The following NUAK1 variants were observed in gnomAD, a reference collection of about 807,000 sequenced individuals.
The protein encoded by NUAK1 is NUAK family kinase 1.
NUAK1 carries 26 observed loss-of-function variants against 56.9 expected under a neutral mutation model. The ratio of observed to expected loss-of-function variants is 0.46; its 90% CI spans 0.33 to 0.63. The LOEUF is 0.63. NUAK1 is among the 30% of genes least tolerant of loss of function. NUAK1 has a pLI of 0.02. For synonymous variants in NUAK1, 337 were observed against 336.0 expected, an observed-to-expected ratio of 1.00 and a Z score of -0.03; for missense variants, 727 against 876.1, an observed-to-expected ratio of 0.83 and a Z score of 2.15.
At chr12:106,131,174 T>C (rs924610673) in intron 1 of NUAK1, among the ~76,000 whole-genome samples, 11 of 152,164 alleles carry the variant, frequency 7.2e-5, no homozygotes, top group Non-Finnish European at 1.6e-4. Flanking sequence ...CCCCCCTTTT[T>C]AAGTTATTAC....
rs555416645 is a variant in NUAK1, at chr12:106,090,463, C to G, written c.362-3578G>C. Among the ~76,000 whole-genome samples, 7 of 152,306 alleles carry G rather than the reference C, an allele frequency of 4.6e-5. No individual in the cohort carries two copies. In the South Asian group the frequency reaches 1.4e-3, roughly 32 times the overall value. On this transcript the variant is annotated intron_variant, in intron 2 of 6. Coordinates refer to ENST00000261402, the MANE Select transcript of NUAK1 (RefSeq NM_014840.3). The stretch of plus-strand genomic sequence containing the variant: ...TGCAGGCACCATGCTAATAATCATT[C>G]TGCATGAATTACATCATAAGGATTC...
At chr12:106,126,217 C>T (rs1288772329) in intron 1 of NUAK1, among the ~76,000 whole-genome samples, 1 of 152,226 alleles carries the variant, frequency 6.6e-6, no homozygotes, top group Non-Finnish European at 1.5e-5. Context: ...GGGTTAGATG[C>T]ACATTCTAGA....
chr12:106,072,650 G>T, intron 5 of NUAK1, 74 bp downstream of exon 5: 2 of 1,463,344 alleles, frequency 1.4e-6, no homozygotes, highest in Non-Finnish European at 1.9e-6. Flanking sequence ...AGCATTTCTC[G>T]AATCCAGTTT....
chr12:106,067,247 G>C lies in NUAK1; in HGVS notation c.1541C>G (p.Ser514Cys), dbSNP rs774760278. The C allele has an allele frequency of 1.7e-5, 27 of 1,614,068 alleles. No individual in the cohort carries two copies. In the Admixed American group the frequency reaches 2.3e-4, roughly 14 times the overall value. The part of the protein sequence containing the change: ...PSPPDPARVT[S>C]HSLSCRRKGI... The stretch of plus-strand genomic sequence containing the variant: ...CTTCCTCCGGCAGGAGAGGCTGTGG[G>C]AGGTTACCCTGGCTGGGTCCGGGGG... Residue 514 changes from serine (S) to cysteine (C), a missense_variant, in exon 7 of 7, where the codon TCC (serine) becomes TGC (cysteine). Physicochemically the swap from Ser to Cys is moderately radical, Grantham distance 112 (BLOSUM62 -1). Coordinates refer to ENST00000261402, the MANE Select transcript of NUAK1 (RefSeq NM_014840.3). This position sits in a 1 kb window ranked among gnomAD's most constrained non-coding sequence, Gnocchi z 6.0.
intron 2 of NUAK1, 162 bp from the exon 3 acceptor site, chr12:106,087,047 G>T: frequency 1.3e-6 from 1 of 759,560 alleles, no homozygotes; most frequent in Non-Finnish European, 2.1e-6. Context: ...GGCGTGGGGC[G>T]TGCTGTCCCG....
intron 2 of NUAK1, among the ~76,000 whole-genome samples, chr12:106,098,737 T>C (rs1254826094): frequency 6.6e-6 from 1 of 152,128 alleles, no homozygotes; most frequent in Non-Finnish European, 1.5e-5. Flanking sequence ...CTAAAGATGT[T>C]TGTTCTCAGT....
Position 106,108,175 on chromosome 12 carries a change from A to G in NUAK1, c.241-1650T>C, listed in dbSNP as rs563921608. Among the ~76,000 whole-genome samples, 177 of 149,506 alleles carry G rather than the reference A, an allele frequency of 1.2e-3. 1 individual carries two copies. The highest frequency in any genetic ancestry group is 7.2e-3 in the East Asian group (37 of 5,154). On this transcript the variant is annotated intron_variant, in intron 1 of 6. Transcript: ENST00000261402. ...CAGAGAGGTGGTAGCAGAACTGGGG[A>G]AAAAAAAAGGGGGAACCACCCCAGT... is the stretch of plus-strand genomic sequence containing the variant.
chr12:106,080,942 G>C (rs891119911), intron 4 of NUAK1, among the ~76,000 whole-genome samples: 1 of 152,224 alleles, frequency 6.6e-6, no homozygotes, highest in Non-Finnish European at 1.5e-5. Flanking sequence ...TTGCCAGCAT[G>C]GGTCCTTTCT....
Position 106,067,571 on chromosome 12 carries a change from T to A in NUAK1, c.1217A>T (p.Asn406Ile). The A allele has an allele frequency of 6.2e-7, 1 of 1,614,248 alleles. No homozygotes were observed. Among genetic ancestry groups the A allele is most frequent in the Non-Finnish European group, 8.5e-7 (1 of 1,180,036 alleles). Reference sequence around the variant, plus strand: ...AGTGCTGTGAGAGCGATGCTCGCTGTTGCTTCGCTTCTTCAGGATCCCCTT... The same window carrying A: ...AGTGCTGTGAGAGCGATGCTCGCTGATGCTTCGCTTCTTCAGGATCCCCTT... ...RPKGILKKRSNSEHRSHSTGF... is the reference protein window; with the variant it reads ...RPKGILKKRSISEHRSHSTGF... The change falls in exon 7 of 7, where the codon AAC becomes ATC. Residue 406 changes from asparagine (N) to isoleucine (I), a missense_variant. By Grantham distance (149) the Asn-to-Ile change is moderately radical. Coordinates refer to ENST00000261402, the MANE Select transcript of NUAK1 (RefSeq NM_014840.3). The surrounding 1 kb of genome is among the most constrained non-coding windows in gnomAD (Gnocchi z 6.0).
At chr12:106,086,989 G>GGAT in intron 2 of NUAK1, 104 bp from the exon 3 acceptor site, 1 of 1,428,562 alleles carries the variant, frequency 7.0e-7, no homozygotes, top group South Asian at 1.3e-5. Flanking sequence ...GCCAGGCAGA[G>GGAT]GATCGACTGA....
intron 1 of NUAK1, among the ~76,000 whole-genome samples, chr12:106,130,646 CGATGG>C (rs1555224938): frequency 6.6e-6 from 1 of 152,200 alleles, no homozygotes; most frequent in Non-Finnish European, 1.5e-5. Context: ...AGGCACCAGC[CGATGG>C]GCAGGTGAAT....
chr12:106,134,648 G>C (rs900205152), intron 1 of NUAK1, among the ~76,000 whole-genome samples: 1 of 152,206 alleles, frequency 6.6e-6, no homozygotes, highest in African/African-American at 2.4e-5. Context: ...ATAAAATTGT[G>C]TGGCTTTGGT....
Position 106,084,104 on chromosome 12 carries a change from C to T in NUAK1, c.514-175G>A, listed in dbSNP as rs75076073. 1.1e-3 allele frequency: 644 copies of T among 595,746 alleles called. 5 individuals carry two copies. The East Asian group carries it at 0.017, about 16-fold the overall frequency. 36.9% of individuals were successfully genotyped at this position (595,746 alleles called of 1,614,324 possible). On this transcript the variant is annotated intron_variant, in intron 3 of 6. Coordinates refer to ENST00000261402, the MANE Select transcript of NUAK1 (RefSeq NM_014840.3). The stretch of plus-strand genomic sequence containing the variant: ...TGCTCTCACTGTCTTGACGCTCCCC[C>T]GCCAGCGACCAACCAGCGACAGGAG...
At chr12:106,094,122 A>G (rs552044432) in intron 2 of NUAK1, among the ~76,000 whole-genome samples, 1 of 143,334 alleles carries the variant, frequency 7.0e-6, no homozygotes, top group East Asian at 2.0e-4. Flanking sequence ...CTGTTGATTT[A>G]AAAAAAAAAA....
At chr12:106,120,891 G>C (rs1436700487) in intron 1 of NUAK1, among the ~76,000 whole-genome samples, 1 of 152,164 alleles carries the variant, frequency 6.6e-6, no homozygotes, top group Non-Finnish European at 1.5e-5. Context: ...CCACCTTCAG[G>C]AGAGCAGACC....
Position 106,067,146 on chromosome 12 carries a change from G to A in NUAK1, c.1642C>T (p.Leu548=), listed in dbSNP as rs770033896. The change falls in exon 7 of 7, where the codon CTG becomes TTG. Residue 548 remains leucine, a synonymous_variant. Coordinates refer to ENST00000261402, the MANE Select transcript of NUAK1 (RefSeq NM_014840.3). The surrounding 1 kb of genome is among the most constrained non-coding windows in gnomAD (Gnocchi z 6.0). ...ACACCAGGCTCTGACAGGGATTCCA[G>A]TGTGGGCATTTCAGGGCTGACCAGG... ...PALVSPEMPT[L]ESLSEPGVPA... is the part of the protein sequence containing the mutation. The A allele has an allele frequency of 2.5e-6, 4 of 1,614,074 alleles. No homozygotes were observed. Among genetic ancestry groups the A allele is most frequent in the Middle Eastern group, 1.6e-4 (1 of 6,084 alleles).
intron 1 of NUAK1, among the ~76,000 whole-genome samples, chr12:106,131,265 G>T (rs1436872252): frequency 6.6e-6 from 1 of 151,936 alleles, no homozygotes; most frequent in Admixed American, 6.6e-5. Flanking sequence ...AGTATATTCG[G>T]AGGGGTGCAA....
chr12:106,082,429 C>A (rs948833934), intron 4 of NUAK1, among the ~76,000 whole-genome samples: 1 of 152,208 alleles, frequency 6.6e-6, no homozygotes, highest in African/African-American at 2.4e-5. Context: ...TCTAAGCAGG[C>A]CTGTGAGTAG....
At position 106,065,168 on chromosome 12, in the gene NUAK1, T is replaced by G. The variant is rs1277649066; in HGVS notation, c.*1634A>C. The G allele has an allele frequency of 6.6e-6, 1 of 152,242 alleles. No individual in the cohort carries two copies. The highest frequency in any genetic ancestry group is 1.9e-4 in the East Asian group (1 of 5,196). 9.4% of individuals were successfully genotyped at this position (152,242 alleles called of 1,614,324 possible). On this transcript the variant is annotated 3_prime_UTR_variant, in exon 7 of 7. Coordinates refer to ENST00000261402, the MANE Select transcript of NUAK1 (RefSeq NM_014840.3). ...CATCTTGAACTGAGTTCAATTTGCC[T>G]TGGCCAGCAGAATCTGAAGTCATCC...
Sources: gnomAD v4.1 joint callset for allele counts (sites outside exome capture counted in the v4.1 genomes callset) on GRCh38, gnomAD v4.1.1 for gene constraint, Gnocchi (gnomAD v3.1) non-coding constraint, MANE v1.5 for transcripts, NCBI Gene and HGNC (gene_info 2026-07-23, HGNC 2026-07-21) for gene names.